Variants in GSE1 observed in about 807,000 individuals in gnomAD.
GSE1 encodes the protein genetic suppressor element 1.
In GSE1, 32 loss-of-function variants were observed where a neutral mutation model predicts 112.6. The ratio of observed to expected loss-of-function variants is 0.28; its 90% CI spans 0.21 to 0.38. GSE1 has a LOEUF of 0.38. GSE1 is among the 10% of genes least tolerant of loss of function. The pLI is 1.00. For synonymous variants in GSE1, 1,115 were observed against 735.6 expected (o/e 1.52, Z -8.35); for missense variants, 2,348 against 1,699.2 (o/e 1.38, Z -6.71).
intron 1 of GSE1, among the ~76,000 whole-genome samples, chr16:85,312,769 G>C (rs1466053991): frequency 6.6e-6 from 1 of 151,866 alleles, no homozygotes; most frequent in African/African-American, 2.4e-5. Flanking sequence ...GGAGGAAGGA[G>C]AGGAGGAGGA....
intron 2 of GSE1, among the ~76,000 whole-genome samples, chr16:85,477,543 A>G (rs1351496634): frequency 6.6e-6 from 1 of 150,500 alleles, no homozygotes; most frequent in African/African-American, 2.4e-5. Context: ...CAGCTGCAGA[A>G]AAAGGTCTTA....
intron 2 of GSE1, among the ~76,000 whole-genome samples, chr16:85,426,803 G>A (rs887608999): frequency 4.6e-5 from 7 of 152,184 alleles, no homozygotes; most frequent in African/African-American, 9.7e-5. Flanking sequence ...CAGTCACTGG[G>A]AGTGTGCTAA....
At chr16:85,666,455 T>G in intron 13 of GSE1, 108 bp downstream of exon 13, 1 of 983,336 alleles carries the variant, frequency 1.0e-6, no homozygotes, top group Non-Finnish European at 1.6e-6. Context: ...CAAGTTTTTA[T>G]AAACTCCAAT....
intron 2 of GSE1, among the ~76,000 whole-genome samples, chr16:85,492,678 T>G (rs1278132803): frequency 6.6e-6 from 1 of 152,070 alleles, no homozygotes; most frequent in Non-Finnish European, 1.5e-5. Context: ...TCAGCGCCCT[T>G]AAGTAGCCAC....
Position 85,312,000 on chromosome 16 carries a change from C to T in GSE1, c.2284-45463C>T, listed in dbSNP as rs2151483179. Among the ~76,000 whole-genome samples the T allele has an allele frequency of 6.6e-6, 1 of 152,342 alleles. No individual in the cohort carries two copies. The highest frequency in any genetic ancestry group is 2.4e-5 in the African/African-American group (1 of 41,574). ...ATGTGGGCGGTGTCCGTGCACACTG[C>T]TGGAGCAGCTGGGCCAGCTCGACCT... On this transcript the variant is annotated intron_variant, in intron 1 of 2. Coordinates refer to the GSE1 transcript ENST00000637419. This position sits in a 1 kb window ranked among gnomAD's most constrained non-coding sequence, Gnocchi z 4.2.
At chr16:85,650,884 C>G (rs1165313089) in intron 3 of GSE1, among the ~76,000 whole-genome samples, 1 of 151,974 alleles carries the variant, frequency 6.6e-6, no homozygotes, top group Non-Finnish European at 1.5e-5. Flanking sequence ...GGCCCCTTCT[C>G]GGGGTCACCC....
At position 85,632,587 on chromosome 16, in the gene GSE1, A is replaced by G. The variant is rs570710353; in HGVS notation, c.8-1327A>G. Among the ~76,000 whole-genome samples the G allele has an allele frequency of 2.6e-5, 4 of 152,282 alleles. No individual in the cohort carries two copies. In the East Asian group the frequency reaches 5.8e-4, roughly 22 times the overall value. On this transcript the variant is annotated intron_variant, in intron 1 of 15. Coordinates refer to ENST00000253458, the MANE Select transcript of GSE1 (RefSeq NM_014615.5). Reference sequence around the variant, plus strand: ...TGCTGTCCCATGGGGACAGGTTCCAATTAGACTTGTCAATGTCACTTAGAA... The same window carrying G: ...TGCTGTCCCATGGGGACAGGTTCCAGTTAGACTTGTCAATGTCACTTAGAA...
At chr16:85,551,777 G>C (rs549316357), upstream of GSE1, among the ~76,000 whole-genome samples, 2 of 152,350 alleles carry the variant, frequency 1.3e-5, no homozygotes, top group Admixed American at 6.5e-5. Context: ...TCTCCTTCCC[G>C]AGGATGTGGC....
At chr16:85,443,358 G>T (rs545020475) in intron 2 of GSE1, among the ~76,000 whole-genome samples, 1 of 152,310 alleles carries the variant, frequency 6.6e-6, no homozygotes, top group African/African-American at 2.4e-5. Flanking sequence ...CCAGAGCCTG[G>T]CCTGGCTCCC....
intron 2 of GSE1, among the ~76,000 whole-genome samples, chr16:85,368,086 T>C (rs959877012): frequency 3.3e-5 from 5 of 152,162 alleles, no homozygotes; most frequent in Non-Finnish European, 7.3e-5. Context: ...ACTCTCGACC[T>C]CAGGTGATCC....
At chr16:85,356,092 A>G (rs978857034) in intron 1 of GSE1, among the ~76,000 whole-genome samples, 1 of 152,210 alleles carries the variant, frequency 6.6e-6, no homozygotes, top group Non-Finnish European at 1.5e-5. Flanking sequence ...ACCCCCCTGC[A>G]GTGTGGACTG....
rs2050844695 is a variant in GSE1 at position 85,646,121 on chromosome 16, ACCACGC to A, written c.227-2430_227-2425del. On this transcript the variant is annotated intron_variant, in intron 2 of 15. Transcript: ENST00000253458. ...CTATGCATGCATTCTACCTGCTTCT[ACCACGC>A]TTCCTATGCATGCATTCTACCTGCT... 3.2e-5 allele frequency among the ~76,000 whole-genome samples: 3 copies of A among 93,138 alleles called. 1 individual carries two copies. Among genetic ancestry groups the A allele is most frequent in the African/African-American group, 1.5e-4 (3 of 19,780 alleles). 61.1% of individuals were successfully genotyped at this position (93,138 alleles called of 152,430 possible). A position where few individuals can be genotyped will look rare whatever the true frequency, so the allele number is the denominator to read the frequency against.
chr16:85,340,964 T>C (rs1054621349), intron 1 of GSE1, among the ~76,000 whole-genome samples: 3 of 152,238 alleles, frequency 2.0e-5, no homozygotes, highest in African/African-American at 7.2e-5. Context: ...AATGGCAGTG[T>C]CTACCTCACA....
intron 1 of GSE1, among the ~76,000 whole-genome samples, chr16:85,282,169 A>G (rs933783982): frequency 1.3e-5 from 2 of 152,034 alleles, no homozygotes; most frequent in African/African-American, 4.8e-5. Flanking sequence ...CTGGGACTAC[A>G]GGCGTGCACC....
chr16:85,335,272 A>C (rs1341739284), intron 1 of GSE1, among the ~76,000 whole-genome samples: 1 of 152,204 alleles, frequency 6.6e-6, no homozygotes, highest in Non-Finnish European at 1.5e-5. Flanking sequence ...TTTCGCTGAC[A>C]CAGCCCTTTG....
intron 1 of GSE1, among the ~76,000 whole-genome samples, chr16:85,319,943 G>A (rs557821857): frequency 1.4e-4 from 21 of 152,308 alleles, no homozygotes; most frequent in Middle Eastern, 6.8e-3. Flanking sequence ...CTTTCCCTGG[G>A]TCCCGGGCTT....
chr16:85,320,786 T>C lies in GSE1; in HGVS notation c.2284-36677T>C, dbSNP rs185626934. The stretch of plus-strand genomic sequence containing the variant: ...GCTCTCACCACCTCTCCAGCCCCCA[T>C]GTCCTTTCTCCCCACTCTGCGTGGC... On this transcript the variant is annotated intron_variant, in intron 1 of 2. Transcript: ENST00000637419. Among the ~76,000 whole-genome samples the C allele has an allele frequency of 2.0e-3, 300 of 152,310 alleles. 3 individuals are homozygous for C. Among genetic ancestry groups the C allele is most frequent in the Admixed American group, 7.8e-4 (12 of 15,294 alleles).
intron 2 of GSE1, among the ~76,000 whole-genome samples, chr16:85,501,441 G>T (rs1327207092): frequency 6.7e-6 from 1 of 148,402 alleles, no homozygotes; most frequent in Non-Finnish European, 1.5e-5. Context: ...TGCCCAGGCT[G>T]GAGTGTAGTG....
chr16:85,493,874 G>C, intron 2 of GSE1, among the ~76,000 whole-genome samples: 1 of 151,636 alleles, frequency 6.6e-6, no homozygotes, highest in South Asian at 2.1e-4. Flanking sequence ...GAGCTCAGGA[G>C]TTCAAAACCA....
Sources: allele counts gnomAD v4.1 joint callset (sites outside exome capture counted in the v4.1 genomes callset), GRCh38; gene constraint gnomAD v4.1.1; non-coding constraint Gnocchi (gnomAD v3.1); transcripts MANE v1.5; gene names NCBI Gene and HGNC (gene_info 2026-07-23, HGNC 2026-07-21).